The following MACF1 variants were observed in gnomAD, a reference collection of about 807,000 sequenced individuals.
MACF1 encodes the protein microtubule actin crosslinking factor 1.
In MACF1, 193 loss-of-function variants were observed where a neutral mutation model predicts 854.8. The ratio of observed to expected loss-of-function variants is 0.23; its 90% confidence interval spans 0.20 to 0.25. The LOEUF is 0.25. Ranked by LOEUF, MACF1 falls within the 10% of genes least tolerant of loss-of-function variation. The pLI is 1.00. For synonymous variants in MACF1, 3,185 were observed against 3,226.7 expected (o/e 0.99, Z 0.44); for missense variants, 7,722 against 8,929.1 (o/e 0.86, Z 5.45).
At chr1:39,425,575 A>T (rs537595369) in intron 61 of MACF1, among the ~76,000 whole-genome samples, 1 of 152,150 alleles carries the variant, frequency 6.6e-6, no homozygotes, top group South Asian at 2.1e-4. Context: ...CTTAGCTTCT[A>T]CTATTCTTCT....
In MACF1 at chr1:39,429,881, C is replaced by A; in HGVS notation, c.16943C>A (p.Ala5648Glu). 2 of 1,614,072 alleles carry A rather than the reference C, an allele frequency of 1.2e-6. No individual in the cohort carries two copies. Among genetic ancestry groups the A allele is most frequent in the Non-Finnish European group, 1.7e-6 (2 of 1,179,986 alleles). ...EKLDGIKTRY[A>E]DITVTSSKAL... ...CTAGATGGTATAAAGACTCGTTACGCAGACATCACAGTTACTAGCTCCAAG... is the reference window on the plus strand; with the variant it reads ...CTAGATGGTATAAAGACTCGTTACGAAGACATCACAGTTACTAGCTCCAAG... The change falls in exon 65 of 101, where the codon GCA becomes GAA. Residue 5648 changes from alanine to glutamate, a missense_variant. Around this residue, in one of 15 missense-constraint regions of MACF1, gnomAD observed 2,807 missense variants for 3,235.8 expected, o/e 0.87. Transcript: ENST00000564288.
chr1:39,139,419 G>A (rs7522362), intron 2 of MACF1, among the ~76,000 whole-genome samples: 88,703 of 151,530 alleles, frequency 0.59, 27,850 homozygotes, highest in South Asian at 0.73. Flanking sequence ...ACCACGTCCA[G>A]CTAATTTTTG....
intron 19 of MACF1, 48 bp from the exon 20 acceptor site, chr1:39,295,739 G>A: frequency 7.4e-7 from 1 of 1,346,630 alleles, no homozygotes; most frequent in Non-Finnish European, 1.1e-6. Context: ...CATATATATT[G>A]AGTCTGTTAA....
In MACF1 at chr1:39,451,141, C is replaced by T; in HGVS notation, c.20348C>T (p.Pro6783Leu). 1.9e-6 allele frequency: 3 copies of T among 1,614,136 alleles called. No individual in the cohort carries two copies. The highest frequency in any genetic ancestry group is 2.5e-6 in the Non-Finnish European group (3 of 1,180,008). ...GTTGACTGGTTATACAAGGTGGAGC[C>T]ACAGCTGGCTGAGGACCAGCCCGTG... ...ALVDWLYKVEPQLAEDQPVHG... is the reference protein window; with the variant it reads ...ALVDWLYKVELQLAEDQPVHG... The change falls in exon 85 of 101, where the codon CCA becomes CTA. Residue 6783 changes from proline to leucine, a missense_variant. Pro to Leu is a moderately conservative substitution (Grantham distance 98). Around this residue, in one of 15 missense-constraint regions of MACF1, gnomAD observed 729 missense variants for 900.5 expected, o/e 0.81. Coordinates refer to ENST00000564288, the MANE Select transcript of MACF1 (RefSeq NM_001394062.1).
intron 1 of MACF1, among the ~76,000 whole-genome samples, chr1:39,229,183 T>C (rs1427129402): frequency 5.3e-5 from 8 of 152,218 alleles, no homozygotes; most frequent in Non-Finnish European, 1.0e-4. Context: ...GATTTGTGTG[T>C]CAGCAGAGAA....
At chr1:39,410,207 G>A (rs900958722) in intron 58 of MACF1, 15 of 1,279,838 alleles carry the variant, frequency 1.2e-5, no homozygotes, top group Admixed American at 2.3e-5. Context: ...GAATGCATTT[G>A]GGGGGAACCT....
chr1:39,084,495 G>A lies in MACF1; in HGVS notation c.220+57G>A. 1 of 1,484,564 alleles carries A rather than the reference G, an allele frequency of 6.7e-7. No homozygotes were observed. The highest frequency in any genetic ancestry group is 2.4e-5 in the East Asian group (1 of 41,742). The allele number at this position is 1,484,564 out of a possible 1,614,324, so 92.0% of individuals were successfully genotyped here. A position where few individuals can be genotyped will look rare whatever the true frequency, so the allele number is the denominator to read the frequency against. The stretch of plus-strand genomic sequence containing the variant: ...GTGGGTGTGAGGGAGGAATGGGCCA[G>A]GGCACAGCAGCTGTGTGGGGAGCCG... On this transcript the variant is annotated intron_variant, in intron 2 of 93. Transcript: ENST00000361689. The surrounding 1 kb of genome is among the most constrained non-coding windows in gnomAD (Gnocchi z 5.2).
At chr1:39,337,926 C>T (rs532020583) in intron 38 of MACF1, among the ~76,000 whole-genome samples, 10 of 152,154 alleles carry the variant, frequency 6.6e-5, no homozygotes, top group South Asian at 2.1e-4. Context: ...CCTGCCGCCA[C>T]GCCCAGCTAA....
At chr1:39,348,743 G>A (rs190293788) in intron 41 of MACF1, among the ~76,000 whole-genome samples, 338 of 152,292 alleles carry the variant, frequency 2.2e-3, no homozygotes, top group Non-Finnish European at 3.3e-3. Context: ...CAATTGCTCA[G>A]TCAGGTGCTT....
intron 52 of MACF1, among the ~76,000 whole-genome samples, chr1:39,375,329 T>G (rs1227237320): frequency 6.6e-6 from 1 of 150,792 alleles, no homozygotes; most frequent in Non-Finnish European, 1.5e-5. Context: ...TGAGACGGAG[T>G]CTCGCTCTGT....
intron 63 of MACF1, among the ~76,000 whole-genome samples, chr1:39,429,032 C>T (rs919851815): frequency 3.3e-5 from 5 of 152,192 alleles, no homozygotes; most frequent in Non-Finnish European, 5.9e-5. Flanking sequence ...TCTCATCCAG[C>T]GCATAGGAAA....
intron 2 of MACF1, among the ~76,000 whole-genome samples, chr1:39,170,880 A>G (rs1346716147): frequency 6.6e-6 from 1 of 152,198 alleles, no homozygotes; most frequent in African/African-American, 2.4e-5. Context: ...GTTTCTTTGC[A>G]CTAGGGAATG....
In MACF1 at chr1:39,334,964, T is replaced by A. The variant is rs1410205608; in HGVS notation, c.8376T>A (p.Asp2792Glu). The A allele has an allele frequency of 1.9e-6, 3 of 1,614,160 alleles. No individual in the cohort carries two copies. Among genetic ancestry groups the A allele is most frequent in the African/African-American group, 1.3e-5 (1 of 75,056 alleles). The change falls in exon 37 of 101, where the codon GAT (aspartate) becomes GAA (glutamate). Residue 2792 changes from aspartate (D) to glutamate (E), a missense_variant. Asp to Glu is a conservative substitution (Grantham distance 45). This residue lies in a region of MACF1 where 1,531 missense variants were observed against 1,601.6 expected (regional missense o/e 0.96). Coordinates refer to ENST00000564288, the MANE Select transcript of MACF1 (RefSeq NM_001394062.1). ...TACAAAATGAATTTCTAGGAAAGGA[T>A]ATGTTAATTGCTTGTAATCAGACTG... Reference protein sequence around the residue: ...CALQNEFLGKDMLIACNQTAE... With the variant: ...CALQNEFLGKEMLIACNQTAE...
intron 56 of MACF1, 97 bp from the exon 57 acceptor site, chr1:39,385,337 C>A: frequency 7.4e-7 from 1 of 1,349,674 alleles, no homozygotes; most frequent in Non-Finnish European, 1.0e-6. Flanking sequence ...CAAAGTGCTG[C>A]GATTACAGGC....
At chr1:39,424,522 TC>T (rs1643660515) in intron 61 of MACF1, among the ~76,000 whole-genome samples, 1 of 152,160 alleles carries the variant, frequency 6.6e-6, no homozygotes, top group Non-Finnish European at 1.5e-5. Flanking sequence ...CAAACAGATT[TC>T]CCCCTCTTAT....
At position 39,263,572 on chromosome 1, in the gene MACF1, T is replaced by C. The variant is rs115916957; in HGVS notation, c.528+5544T>C. 7.3e-3 allele frequency among the ~76,000 whole-genome samples: 1,111 copies of C among 152,218 alleles called. 17 individuals carry two copies. Among genetic ancestry groups the C allele is most frequent in the African/African-American group, 0.025 (1,022 of 41,528 alleles). On this transcript the variant is annotated intron_variant, in intron 6 of 100. Transcript: ENST00000564288. ...CTTTAAAGTAATAAAACATCTCAGATACATCCAACTTTCTTTGCCCTCTCT... is the reference window on the plus strand; with the variant it reads ...CTTTAAAGTAATAAAACATCTCAGACACATCCAACTTTCTTTGCCCTCTCT...
intron 40 of MACF1, among the ~76,000 whole-genome samples, chr1:39,343,628 G>A (rs1243597820): frequency 6.6e-6 from 1 of 152,218 alleles, no homozygotes; most frequent in Non-Finnish European, 1.5e-5. Context: ...TCTGAGCCTT[G>A]TTTTTCTAGT....
At chr1:39,329,985 T>G (rs1355258530) in intron 36 of MACF1, among the ~76,000 whole-genome samples, 1 of 152,232 alleles carries the variant, frequency 6.6e-6, no homozygotes, top group African/African-American at 2.4e-5. Context: ...ACTCACTAGT[T>G]TTGTGACCTT....
Position 39,084,826 on chromosome 1 carries a change from G to C in MACF1, c.220+388G>C, listed in dbSNP as rs1230992327. Among the ~76,000 whole-genome samples, 1 of 152,010 alleles carries C rather than the reference G, an allele frequency of 6.6e-6. No individual in the cohort carries two copies. Among genetic ancestry groups the C allele is most frequent in the African/African-American group, 2.4e-5 (1 of 41,392 alleles). ...GACTTTATGGTTACCATTTCTAAAA[G>C]CTGTCTATTTCATGACTTTCTAAAT... On this transcript the variant is annotated intron_variant, in intron 2 of 93. Coordinates refer to the MACF1 transcript ENST00000361689. This position sits in a 1 kb window ranked among gnomAD's most constrained non-coding sequence, Gnocchi z 5.2.
Sources: gnomAD v4.1 joint callset for allele counts (sites outside exome capture counted in the v4.1 genomes callset) on GRCh38, gnomAD v4.1.1 for gene constraint, gnomAD v4.1.1 regional missense constraint, Gnocchi (gnomAD v3.1) non-coding constraint, MANE v1.5 for transcripts, NCBI Gene and HGNC (gene_info 2026-07-23, HGNC 2026-07-21) for gene names.